Variants in NID1 observed in about 807,000 individuals in gnomAD.
NID1 encodes the protein nidogen 1.
A neutral mutation model predicts 130.6 loss-of-function variants in NID1; 76 were observed. The ratio of observed to expected loss-of-function variants is 0.58; its 90% confidence interval spans 0.48 to 0.70. The LOEUF is 0.70. Among genes scored for constraint, NID1 ranks in the 30% least tolerant of loss-of-function variants. The pLI, the probability that NID1 is intolerant of heterozygous loss-of-function variation, is 0.00. For missense variants in NID1, 1,517 were observed against 1,664.8 expected, an observed-to-expected ratio of 0.91 and a Z score of 1.54; for synonymous variants, 665 against 675.1, an observed-to-expected ratio of 0.98 and a Z score of 0.23.
intron 6 of NID1, among the ~76,000 whole-genome samples, chr1:236,031,571 TCCAGGTTGGCTCAGGCAGTGGGGGAG>T: frequency 6.6e-6 from 1 of 152,204 alleles, no homozygotes; most frequent in East Asian, 1.9e-4. Context: ...TGGCTAAGGC[TCCAGGTTGGCTCAGGCAGTGGGGGAG>T]AAGGCAGGTC....
At chr1:236,011,044 T>G (rs1448970240) in intron 12 of NID1, among the ~76,000 whole-genome samples, 1 of 151,090 alleles carries the variant, frequency 6.6e-6, no homozygotes, top group Non-Finnish European at 1.5e-5. Context: ...AAAAAAAAAG[T>G]GTACCTGCAC....
intron 4 of NID1, among the ~76,000 whole-genome samples, chr1:236,040,576 G>C (rs923161091): frequency 6.6e-6 from 1 of 151,826 alleles, no homozygotes; most frequent in Admixed American, 6.6e-5. Context: ...CTAAAGGCTT[G>C]GACTATCCCA....
intron 1 of NID1, among the ~76,000 whole-genome samples, chr1:236,062,758 T>C (rs912264298): frequency 6.6e-5 from 10 of 152,176 alleles, no homozygotes; most frequent in Non-Finnish European, 1.2e-4. Flanking sequence ...CACATCATAG[T>C]TGCTGCATGT....
At chr1:235,990,792 G>T (rs1044228121) in intron 14 of NID1, 94 bp downstream of exon 14, 2 of 1,413,264 alleles carry the variant, frequency 1.4e-6, no homozygotes, top group Non-Finnish European at 2.0e-6. Context: ...GGTTCCAGGG[G>T]TTGAGCCTGG....
chr1:235,992,195 G>A (rs1657768891), intron 13 of NID1, among the ~76,000 whole-genome samples: 1 of 152,192 alleles, frequency 6.6e-6, no homozygotes, highest in Admixed American at 6.5e-5. Context: ...TCTCTACAGT[G>A]AGAGCTGGAC....
intron 1 of NID1, among the ~76,000 whole-genome samples, chr1:236,054,110 T>G (rs1283462100): frequency 6.6e-6 from 1 of 152,000 alleles, no homozygotes; most frequent in Non-Finnish European, 1.5e-5. Context: ...AACAAATAAA[T>G]TTTAAAGAAA....
intron 10 of NID1, 74 bp from the exon 11 acceptor site, chr1:236,013,634 T>G: frequency 1.3e-6 from 2 of 1,573,852 alleles, no homozygotes; most frequent in Non-Finnish European, 1.7e-6. Context: ...CTCCCAGCTC[T>G]ATAAAGAGAG....
At chr1:236,042,962 A>G (rs1201484430) in intron 3 of NID1, among the ~76,000 whole-genome samples, 1 of 152,180 alleles carries the variant, frequency 6.6e-6, no homozygotes, top group Non-Finnish European at 1.5e-5. Context: ...ATCACCAAGG[A>G]TCAGTGATTT....
intron 16 of NID1, among the ~76,000 whole-genome samples, chr1:235,981,135 G>A (rs1657424674): frequency 6.6e-6 from 1 of 152,146 alleles, no homozygotes; most frequent in African/African-American, 2.4e-5. Context: ...AATCAGTGTC[G>A]AGGAACTAAG....
chr1:236,045,306 C>A (rs2102842902), intron 3 of NID1, 151 bp downstream of exon 3: 1 of 505,890 alleles, frequency 2.0e-6, no homozygotes, highest in Non-Finnish European at 3.5e-6. Flanking sequence ...TCCTTAAGTT[C>A]ATCAGAAAAA....
intron 10 of NID1, among the ~76,000 whole-genome samples, chr1:236,015,783 C>A (rs903630208): frequency 1.8e-4 from 28 of 152,104 alleles, no homozygotes; most frequent in African/African-American, 6.7e-4. Context: ...ACCAATGATC[C>A]GGTCTAATCA....
chr1:236,008,886 G>T (rs553957000), intron 12 of NID1, among the ~76,000 whole-genome samples: 152 of 151,996 alleles, frequency 1.0e-3, no homozygotes, highest in Non-Finnish European at 1.9e-3. Context: ...GGCTGGTCTT[G>T]AACTCCCCAC....
At chr1:236,058,906 A>C (rs1226958908) in intron 1 of NID1, among the ~76,000 whole-genome samples, 7 of 152,242 alleles carry the variant, frequency 4.6e-5, no homozygotes, top group Non-Finnish European at 1.5e-5. Context: ...CATGGGTGAG[A>C]GGCAGCAGGA....
At position 235,977,381 on chromosome 1, in the gene NID1, A is replaced by C. The variant is rs1258389451; in HGVS notation, c.*486T>G. ...AAGAAGAAATTCAGAGCACCAAAAC[A>C]AAACATTAAGGAATGCTAATTTCCT... On this transcript the variant is annotated 3_prime_UTR_variant, in exon 20 of 20. Transcript: ENST00000264187. 1 of 156,682 alleles carries C rather than the reference A, an allele frequency of 6.4e-6. No individual in the cohort carries two copies. Among genetic ancestry groups the C allele is most frequent in the Non-Finnish European group, 1.4e-5 (1 of 70,484 alleles). The allele number at this position is 156,682 out of a possible 1,614,324, so 9.7% of individuals were successfully genotyped here.
At position 236,032,567 on chromosome 1, in the gene NID1, G is replaced by A. The variant is rs982486393; in HGVS notation, c.1371C>T (p.Asp457=). The A allele has an allele frequency of 6.2e-7, 1 of 1,614,148 alleles. No homozygotes were observed. Among genetic ancestry groups the A allele is most frequent in the Admixed American group, 1.7e-5 (1 of 60,018 alleles). Residue 457 remains aspartate, a synonymous_variant, in exon 6 of 20, where the codon GAC becomes GAT. Coordinates refer to ENST00000264187, the MANE Select transcript of NID1 (RefSeq NM_002508.3). The stretch of plus-strand genomic sequence containing the variant: ...GGTTCATTACTACGTAAGAGTGGAG[G>A]TCAGTGTTCTCAAAGACAATGGGGA... The part of the protein sequence containing the change: ...SQVPIVFENT[D]LHSYVVMNHG...
At chr1:236,043,379 A>G (rs776958270) in intron 3 of NID1, among the ~76,000 whole-genome samples, 1 of 152,162 alleles carries the variant, frequency 6.6e-6, no homozygotes, top group African/African-American at 2.4e-5. Context: ...CGCCAGTGCT[A>G]GAATTGAACT....
intron 1 of NID1, among the ~76,000 whole-genome samples, chr1:236,055,979 G>A (rs1313357828): frequency 1.3e-5 from 2 of 152,070 alleles, no homozygotes; most frequent in Admixed American, 1.3e-4. Context: ...GAGCCTAGAG[G>A]TGAACCCACA....
intron 3 of NID1, among the ~76,000 whole-genome samples, chr1:236,043,642 C>CA (rs1217126809): frequency 1.3e-5 from 2 of 151,912 alleles, no homozygotes; most frequent in Admixed American, 1.3e-4. Context: ...ACTAAAAATA[C>CA]AAAAAATTAG....
At chr1:236,033,814 AT>A (rs1659168025) in intron 5 of NID1, among the ~76,000 whole-genome samples, 1 of 152,214 alleles carries the variant, frequency 6.6e-6, no homozygotes. Flanking sequence ...AATTTTTATA[AT>A]TTTTGAGTAT....
Sources: allele counts gnomAD v4.1 joint callset (sites outside exome capture counted in the v4.1 genomes callset), GRCh38; gene constraint gnomAD v4.1.1; transcripts MANE v1.5; gene names NCBI Gene and HGNC (gene_info 2026-07-23, HGNC 2026-07-21).